The following NRXN3 variants were observed in gnomAD, a reference collection of about 807,000 sequenced individuals.
The protein encoded by NRXN3 is neurexin 3.
In NRXN3, 32 loss-of-function variants were observed where a neutral mutation model predicts 137.6. The observed-to-expected ratio is 0.23, with a 90% confidence interval of 0.18 to 0.31. The LOEUF (loss-of-function observed/expected upper bound fraction) is 0.31, where lower values mean the gene tolerates loss of function less well. NRXN3 is among the 10% of genes least tolerant of loss of function. NRXN3 has a pLI of 1.00. For missense variants in NRXN3, 1,574 were observed against 2,062.5 expected (o/e 0.76, Z 4.59); for synonymous variants, 798 against 784.5 (o/e 1.02, Z -0.29).
intron 15 of NRXN3, among the ~76,000 whole-genome samples, chr14:79,073,114 T>C (rs2099690307): frequency 1.3e-5 from 2 of 152,158 alleles, no homozygotes; most frequent in African/African-American, 4.8e-5. Flanking sequence ...CTTGAACTTC[T>C]GACCTCAGGT....
intron 15 of NRXN3, among the ~76,000 whole-genome samples, chr14:79,308,562 C>A (rs2086544617): frequency 6.6e-6 from 1 of 151,916 alleles, no homozygotes; most frequent in Admixed American, 6.6e-5. Flanking sequence ...TGTATGAGTG[C>A]CAAAAAAAGG....
chr14:79,368,830 C>T (rs2093989425), intron 15 of NRXN3, among the ~76,000 whole-genome samples: 1 of 152,080 alleles, frequency 6.6e-6, no homozygotes, highest in East Asian at 1.9e-4. Context: ...CCATTTGTTC[C>T]ATTTAATCCC....
At chr14:79,393,845 T>A (rs2094934779) in intron 15 of NRXN3, among the ~76,000 whole-genome samples, 1 of 152,088 alleles carries the variant, frequency 6.6e-6, no homozygotes, top group African/African-American at 2.4e-5. Context: ...AAAGTTATAG[T>A]TCAGAATATT....
intron 15 of NRXN3, among the ~76,000 whole-genome samples, chr14:79,350,635 A>G (rs1425110918): frequency 1.3e-5 from 2 of 152,076 alleles, no homozygotes; most frequent in Non-Finnish European, 2.9e-5. Flanking sequence ...GGTTTTTTTT[A>G]GTGATGACAA....
At chr14:78,302,695 C>T (rs1280889400) in intron 4 of NRXN3, among the ~76,000 whole-genome samples, 1 of 152,212 alleles carries the variant, frequency 6.6e-6, no homozygotes, top group Non-Finnish European at 1.5e-5. Flanking sequence ...GCCCACAAAC[C>T]AGCTTCCCTT....
At position 79,226,332 on chromosome 14, in the gene NRXN3, A is replaced by G. The variant is rs550925635; in HGVS notation, c.3262+238191A>G. 1.1e-4 allele frequency among the ~76,000 whole-genome samples: 16 copies of G among 152,054 alleles called. No individual in the cohort carries two copies. The South Asian group carries it at 3.3e-3, about 31-fold the overall frequency. On this transcript the variant is annotated intron_variant, in intron 15 of 20. Coordinates refer to ENST00000335750, the MANE Select transcript of NRXN3 (RefSeq NM_001330195.2). Reference sequence around the variant, plus strand: ...TGCTGATATGGAAATTAAAAATTAAATCTACTTAATGGAAAATATTTGATA... The same window carrying G: ...TGCTGATATGGAAATTAAAAATTAAGTCTACTTAATGGAAAATATTTGATA...
intron 4 of NRXN3, among the ~76,000 whole-genome samples, chr14:78,484,944 A>G (rs556610918): frequency 7.9e-4 from 120 of 152,308 alleles, no homozygotes; most frequent in African/African-American, 2.7e-3. Flanking sequence ...AGAATAAATA[A>G]AATGGTATAA....
At chr14:78,347,551 A>G (rs1597595052) in intron 4 of NRXN3, among the ~76,000 whole-genome samples, 1 of 152,298 alleles carries the variant, frequency 6.6e-6, no homozygotes, top group Admixed American at 6.5e-5. Context: ...CCATTTCCAG[A>G]TAGCAAAAGG....
At chr14:79,385,029 G>T (rs1462305574) in intron 15 of NRXN3, among the ~76,000 whole-genome samples, 6 of 152,028 alleles carry the variant, frequency 3.9e-5, no homozygotes, top group Non-Finnish European at 8.8e-5. Flanking sequence ...TTAAGACTTT[G>T]ATTATGATAA....
At chr14:78,686,433 A>G (rs1435941740) in intron 6 of NRXN3, among the ~76,000 whole-genome samples, 2 of 152,222 alleles carry the variant, frequency 1.3e-5, no homozygotes, top group Non-Finnish European at 2.9e-5. Flanking sequence ...GGAAATTGCC[A>G]TTAATTGTCT....
chr14:79,828,681 A>G (rs1421931090), intron 20 of NRXN3, among the ~76,000 whole-genome samples: 2 of 144,192 alleles, frequency 1.4e-5, no homozygotes, highest in African/African-American at 2.6e-5. Context: ...ACCAAATCCT[A>G]TCAATGAAAG....
intron 1 of NRXN3, among the ~76,000 whole-genome samples, chr14:78,222,515 G>A (rs751192379): frequency 6.6e-6 from 1 of 152,200 alleles, no homozygotes; most frequent in African/African-American, 2.4e-5. Context: ...TCCCGGGGAG[G>A]AGATAGTTTT....
At chr14:79,462,590 C>A (rs1036142866) in intron 15 of NRXN3, among the ~76,000 whole-genome samples, 2 of 150,234 alleles carry the variant, frequency 1.3e-5, no homozygotes, top group Non-Finnish European at 3.0e-5. Context: ...AACGATAGAT[C>A]ACTCACTTAA....
chr14:79,820,506 G>T (rs1388274619), intron 20 of NRXN3, among the ~76,000 whole-genome samples: 1 of 152,186 alleles, frequency 6.6e-6, no homozygotes, highest in Non-Finnish European at 1.5e-5. Context: ...TCCTTAAGAA[G>T]TTTTTGTTTC....
chr14:78,298,143 A>T (rs953313292), intron 4 of NRXN3, among the ~76,000 whole-genome samples: 1 of 152,222 alleles, frequency 6.6e-6, no homozygotes, highest in Non-Finnish European at 1.5e-5. Flanking sequence ...GGAAGCATGA[A>T]ACCAGGCATG....
chr14:78,205,906 G>A (rs1470407798), intron 1 of NRXN3, among the ~76,000 whole-genome samples: 2 of 152,214 alleles, frequency 1.3e-5, no homozygotes, highest in African/African-American at 4.8e-5. Flanking sequence ...GAGGAGTCTA[G>A]GTCAACAATT....
chr14:79,801,866 A>G (rs901918881), intron 19 of NRXN3, among the ~76,000 whole-genome samples: 58 of 148,972 alleles, frequency 3.9e-4, no homozygotes, highest in Non-Finnish European at 6.8e-4. Context: ...GGGGTCTGCA[A>G]TGGGGATTAG....
At chr14:79,114,122 T>C (rs2053995623) in intron 15 of NRXN3, among the ~76,000 whole-genome samples, 1 of 152,186 alleles carries the variant, frequency 6.6e-6, no homozygotes, top group African/African-American at 2.4e-5. Context: ...AGAACATTGG[T>C]CAATGTCTGG....
At chr14:78,962,109 A>T (rs61995265) in intron 11 of NRXN3, among the ~76,000 whole-genome samples, 1 of 152,022 alleles carries the variant, frequency 6.6e-6, no homozygotes, top group African/African-American at 2.4e-5. Flanking sequence ...AGGAATAAGT[A>T]AAACCTTTTT....
Sources: allele counts gnomAD v4.1 joint callset (sites outside exome capture counted in the v4.1 genomes callset), GRCh38; gene constraint gnomAD v4.1.1; transcripts MANE v1.5; gene names NCBI Gene and HGNC (gene_info 2026-07-23, HGNC 2026-07-21).